GRIK4: variants seen among roughly 807,000 people sequenced by gnomAD.
GRIK4 encodes the protein glutamate receptor ionotropic, kainate 4.
GRIK4 carries 40 observed loss-of-function variants against 104.9 expected under a neutral mutation model. The ratio of observed to expected loss-of-function variants is 0.38; its 90% CI spans 0.30 to 0.50. The LOEUF is 0.50. GRIK4 is among the 20% of genes least tolerant of loss of function. The probability of loss-of-function intolerance (pLI) is 0.93; values close to 1 mark genes in which losing one functional copy is unlikely to be tolerated. For missense variants in GRIK4, 1,047 were observed against 1,308.1 expected (o/e 0.80, Z 3.08); for synonymous variants, 485 against 524.9 (o/e 0.92, Z 1.04).
intron 18 of GRIK4, among the ~76,000 whole-genome samples, chr11:120,966,877 C>T (rs1438328736): frequency 6.6e-6 from 1 of 152,100 alleles, no homozygotes; most frequent in Non-Finnish European, 1.5e-5. Flanking sequence ...GTGGATGGCA[C>T]AACTGCCTGG....
intron 3 of GRIK4, among the ~76,000 whole-genome samples, chr11:120,666,036 G>T (rs1001686206): frequency 6.6e-6 from 1 of 152,128 alleles, no homozygotes; most frequent in South Asian, 2.1e-4. Flanking sequence ...TAGATATTCC[G>T]TTTTACAGAT....
intron 3 of GRIK4, among the ~76,000 whole-genome samples, chr11:120,752,680 G>A (rs375205429): frequency 4.6e-5 from 7 of 152,296 alleles, no homozygotes; most frequent in African/African-American, 1.7e-4. Flanking sequence ...CAGGGAGGAG[G>A]GAGCACACAG....
chr11:120,737,310 T>C lies in GRIK4; in HGVS notation c.83-65383T>C, dbSNP rs183469824. On this transcript the variant is annotated intron_variant, in intron 3 of 20. Transcript: ENST00000527524. ...TTCTAGCTGATAAATGAAATCTAAA[T>C]GATTTATGGATCCAAAGTCTAGACA... Among the ~76,000 whole-genome samples, 40 of 152,302 alleles carry C rather than the reference T, an allele frequency of 2.6e-4. No individual in the cohort carries two copies. The East Asian group carries it at 6.4e-3, about 24-fold the overall frequency.
chr11:120,831,968 G>T lies in GRIK4; in HGVS notation c.628G>T (p.Asp210Tyr), dbSNP rs762037476. The T allele has an allele frequency of 1.9e-6, 3 of 1,613,782 alleles. No individual in the cohort carries two copies. The highest frequency in any genetic ancestry group is 1.3e-5 in the African/African-American group (1 of 74,888). The stretch of plus-strand genomic sequence containing the variant: ...CCCGCTCCTCAAGGAGATCCGGGAC[G>T]ACAAGACCGCCACCATCATCATCCA... Reference protein sequence around the residue: ...PTPLLKEIRDDKTATIIIHAN... With the variant: ...PTPLLKEIRDYKTATIIIHAN... The change falls in exon 7 of 21, where the codon GAC becomes TAC. Residue 210 changes from aspartate (D) to tyrosine (Y), a missense_variant. Coordinates refer to ENST00000527524, the MANE Select transcript of GRIK4 (RefSeq NM_014619.5).
At chr11:120,709,916 A>C (rs1472217590) in intron 3 of GRIK4, among the ~76,000 whole-genome samples, 1 of 152,244 alleles carries the variant, frequency 6.6e-6, no homozygotes, top group Non-Finnish European at 1.5e-5. Flanking sequence ...CCCACCTGCC[A>C]CATTAATACA....
Position 120,658,370 on chromosome 11 carries a change from A to G in GRIK4, c.-50-1899A>G, listed in dbSNP as rs145113801. ...ATTCTAGTGCATGTCTTTGCTAATC[A>G]TATACATGCATTTCTGCTTGATAAA... On this transcript the variant is annotated intron_variant, in intron 2 of 20. Coordinates refer to ENST00000527524, the MANE Select transcript of GRIK4 (RefSeq NM_014619.5). 1.1e-4 allele frequency among the ~76,000 whole-genome samples: 17 copies of G among 152,256 alleles called. No homozygotes were observed. The East Asian group carries it at 3.3e-3, about 29-fold the overall frequency.
intron 11 of GRIK4, among the ~76,000 whole-genome samples, chr11:120,886,653 T>C (rs1250181491): frequency 6.6e-6 from 1 of 152,228 alleles, no homozygotes; most frequent in African/African-American, 2.4e-5. Context: ...GGCAACTTTA[T>C]AGAACAGAAC....
At chr11:120,933,684 C>T (rs994980886) in intron 13 of GRIK4, among the ~76,000 whole-genome samples, 1 of 152,220 alleles carries the variant, frequency 6.6e-6, no homozygotes, top group African/African-American at 2.4e-5. Context: ...GGCTCTTCTA[C>T]AACCATCATC....
At chr11:120,523,464 G>T (rs1056943273) in intron 1 of GRIK4, among the ~76,000 whole-genome samples, 1 of 152,060 alleles carries the variant, frequency 6.6e-6, no homozygotes, top group African/African-American at 2.4e-5. Context: ...CTTTAGGGGT[G>T]GAGGAGGAGC....
chr11:120,554,051 C>T (rs1487068344), intron 1 of GRIK4, among the ~76,000 whole-genome samples: 2 of 152,048 alleles, frequency 1.3e-5, no homozygotes, highest in African/African-American at 2.4e-5. Context: ...TTAAAGGTTC[C>T]ACACCCCTAC....
intron 1 of GRIK4, among the ~76,000 whole-genome samples, chr11:120,640,770 G>A (rs894522655): frequency 3.3e-5 from 5 of 151,552 alleles, no homozygotes; most frequent in African/African-American, 1.2e-4. Flanking sequence ...GTGCTGTGGC[G>A]CGATCTCAGC....
intron 16 of GRIK4, among the ~76,000 whole-genome samples, chr11:120,958,824 C>T (rs1048698939): frequency 2.0e-5 from 3 of 152,192 alleles, no homozygotes; most frequent in African/African-American, 7.2e-5. Context: ...CCCCAGCACA[C>T]ACCACCACAG....
intron 2 of GRIK4, among the ~76,000 whole-genome samples, chr11:120,657,601 C>G (rs186978873): frequency 6.6e-6 from 1 of 152,210 alleles, no homozygotes; most frequent in Non-Finnish European, 1.5e-5. Flanking sequence ...CAGGCCTAGA[C>G]GCATAAAGGC....
rs1439449866 is a variant in GRIK4, at chr11:120,722,593, T to C, written c.82+62193T>C. On this transcript the variant is annotated intron_variant, in intron 3 of 20. Transcript: ENST00000527524. ...ATTGTACTCCAGCCTCCAGCCTGCG[T>C]GACAAAGCGAGACTCCATCAAAAAA... Among the ~76,000 whole-genome samples, 11 of 150,040 alleles carry C rather than the reference T, an allele frequency of 7.3e-5. No individual in the cohort carries two copies. In the South Asian group the frequency reaches 1.9e-3, roughly 26 times the overall value.
chr11:120,790,602 G>T (rs1952374571), intron 3 of GRIK4, among the ~76,000 whole-genome samples: 1 of 152,232 alleles, frequency 6.6e-6, no homozygotes, highest in South Asian at 2.1e-4. Flanking sequence ...ATAGAATTCA[G>T]TAGAAGGTGA....
At chr11:120,957,546 T>C (rs1441760281) in intron 16 of GRIK4, among the ~76,000 whole-genome samples, 1 of 150,780 alleles carries the variant, frequency 6.6e-6, no homozygotes, top group Non-Finnish European at 1.5e-5. Flanking sequence ...TATGGACTGA[T>C]CATTGTTATT....
chr11:120,873,874 C>T (rs1954683098), intron 9 of GRIK4, 192 bp from the exon 10 acceptor site: 2 of 547,318 alleles, frequency 3.7e-6, no homozygotes, highest in African/African-American at 1.9e-5. Flanking sequence ...CTTGGGTGAA[C>T]ACCTGACTAT....
chr11:120,782,944 G>A (rs1036963388), intron 3 of GRIK4, among the ~76,000 whole-genome samples: 1 of 152,208 alleles, frequency 6.6e-6, no homozygotes, highest in African/African-American at 2.4e-5. Flanking sequence ...TCCGAAGAGT[G>A]CATGAGGCCT....
Position 120,551,421 on chromosome 11 carries a change from A to C in GRIK4, c.-159+39534A>C, listed in dbSNP as rs142880412. 5.3e-5 allele frequency among the ~76,000 whole-genome samples: 8 copies of C among 152,312 alleles called. No individual in the cohort carries two copies. The East Asian group carries it at 1.5e-3, about 29-fold the overall frequency. On this transcript the variant is annotated intron_variant, in intron 1 of 20. Coordinates refer to ENST00000527524, the MANE Select transcript of GRIK4 (RefSeq NM_014619.5). ...GGAAGGAATGCTGCAGAGAGAGGCC[A>C]AGAAGAATCTGAACAGGCAGGCCGT...
Sources: gnomAD v4.1 joint callset for allele counts (sites outside exome capture counted in the v4.1 genomes callset) on GRCh38, gnomAD v4.1.1 for gene constraint, MANE v1.5 for transcripts, NCBI Gene and HGNC (gene_info 2026-07-23, HGNC 2026-07-21) for gene names.